Variants in MSRA observed in about 807,000 individuals in gnomAD.
The protein encoded by MSRA is mitochondrial peptide methionine sulfoxide reductase.
Under a neutral mutation model 31.3 loss-of-function variants are expected in MSRA, and 54 were observed. The ratio of observed to expected loss-of-function variants is 1.73; its 90% CI spans 1.39 to 2.17. The LOEUF is 2.17. Ranked by LOEUF, MSRA falls within the 30% of genes most tolerant of loss-of-function variation. The probability of loss-of-function intolerance (pLI) is 0.00; values close to 1 mark genes in which losing one functional copy is unlikely to be tolerated. For synonymous variants in MSRA, 169 were observed against 116.5 expected (o/e 1.45, Z -2.90); for missense variants, 507 against 300.9 (o/e 1.69, Z -5.07).
chr8:10,393,409 G>C (rs1806887240), intron 5 of MSRA, among the ~76,000 whole-genome samples: 1 of 152,132 alleles, frequency 6.6e-6, no homozygotes, highest in African/African-American at 2.4e-5. Context: ...TTTACTTTTA[G>C]GGAAAACGGG....
intron 1 of MSRA, among the ~76,000 whole-genome samples, chr8:10,199,930 A>T (rs1393343175): frequency 6.6e-6 from 1 of 152,076 alleles, no homozygotes; most frequent in African/African-American, 2.4e-5. Flanking sequence ...AGTGAACATG[A>T]GCCAAAGGAC....
At chr8:10,212,519 C>G in intron 2 of MSRA, among the ~76,000 whole-genome samples, 1 of 152,264 alleles carries the variant, frequency 6.6e-6, no homozygotes, top group Admixed American at 6.5e-5. Flanking sequence ...CTAGTAGTTA[C>G]GCTAACTTTG....
At chr8:10,277,113 G>A (rs1799360049) in intron 3 of MSRA, among the ~76,000 whole-genome samples, 1 of 152,142 alleles carries the variant, frequency 6.6e-6, no homozygotes, top group Non-Finnish European at 1.5e-5. Context: ...ATAGTGGAAG[G>A]AATTAGGACG....
At position 10,410,640 on chromosome 8, in the gene MSRA, CAGG is replaced by C. The variant is rs571202720; in HGVS notation, c.544-17505_544-17503del. Among the ~76,000 whole-genome samples, 14 of 152,260 alleles carry C rather than the reference CAGG, an allele frequency of 9.2e-5. No individual in the cohort carries two copies. In the East Asian group the frequency reaches 2.7e-3, roughly 29 times the overall value. On this transcript the variant is annotated intron_variant, in intron 5 of 5. Transcript: ENST00000317173. ...TGAAGGTCATGCTGTTTGGCAGAAC[CAGG>C]AGAAGAGCCCAGGCCCCTCTTGTCC...
At chr8:10,312,539 A>T (rs867639809) in intron 4 of MSRA, among the ~76,000 whole-genome samples, 2 of 152,230 alleles carry the variant, frequency 1.3e-5, no homozygotes, top group East Asian at 1.9e-4. Context: ...TTAGAGAGAG[A>T]TGCAGTCCAT....
intron 5 of MSRA, among the ~76,000 whole-genome samples, chr8:10,327,943 C>CAA (rs1389304305): frequency 6.7e-6 from 1 of 149,006 alleles, no homozygotes; most frequent in African/African-American, 2.5e-5. Flanking sequence ...ACAACAACAA[C>CAA]AACAAAAAAA....
chr8:10,203,122 A>G (rs1009717650), intron 1 of MSRA, among the ~76,000 whole-genome samples: 17 of 152,126 alleles, frequency 1.1e-4, no homozygotes, highest in African/African-American at 4.1e-4. Flanking sequence ...ATTAAAGACA[A>G]GACAAAGCCG....
intron 1 of MSRA, among the ~76,000 whole-genome samples, chr8:10,116,356 G>C (rs1800676801): frequency 6.6e-6 from 1 of 152,182 alleles, no homozygotes; most frequent in African/African-American, 2.4e-5. Flanking sequence ...CCAAAGATTG[G>C]ACACCCCCTG....
intron 2 of MSRA, among the ~76,000 whole-genome samples, chr8:10,218,347 T>G (rs1288820090): frequency 6.6e-6 from 1 of 152,000 alleles, no homozygotes; most frequent in Non-Finnish European, 1.5e-5. Flanking sequence ...GGTTTCACCA[T>G]GTTGCCAGGC....
intron 3 of MSRA, among the ~76,000 whole-genome samples, chr8:10,296,680 A>G (rs1800560608): frequency 6.6e-6 from 1 of 152,212 alleles, no homozygotes; most frequent in Non-Finnish European, 1.5e-5. Flanking sequence ...TTGCAGGTGA[A>G]GAAACTGTGC....
intron 1 of MSRA, among the ~76,000 whole-genome samples, chr8:10,165,247 T>C (rs767925972): frequency 2.0e-5 from 3 of 152,222 alleles, no homozygotes; most frequent in African/African-American, 7.2e-5. Context: ...CATTACAATA[T>C]AATGCCTTTG....
chr8:10,211,441 G>C (rs1809486727), intron 2 of MSRA, among the ~76,000 whole-genome samples: 1 of 152,124 alleles, frequency 6.6e-6, no homozygotes, highest in African/African-American at 2.4e-5. Flanking sequence ...GAAGGTAATA[G>C]GCTTGGTCCT....
chr8:10,344,199 C>G (rs778075751), intron 5 of MSRA, among the ~76,000 whole-genome samples: 6 of 152,112 alleles, frequency 3.9e-5, no homozygotes, highest in Non-Finnish European at 8.8e-5. Context: ...GCAGTGTGAT[C>G]GAGGCAAGTG....
intron 1 of MSRA, among the ~76,000 whole-genome samples, chr8:10,123,454 C>A (rs955213925): frequency 6.6e-6 from 1 of 151,992 alleles, no homozygotes; most frequent in Admixed American, 6.6e-5. Context: ...AAATTTTCTC[C>A]CATTCTGTAG....
chr8:10,361,300 T>C (rs1563393784), intron 5 of MSRA, among the ~76,000 whole-genome samples: 1 of 152,218 alleles, frequency 6.6e-6, no homozygotes, highest in Non-Finnish European at 1.5e-5. Context: ...ATATTAATAA[T>C]GCCTACATCT....
intron 3 of MSRA, among the ~76,000 whole-genome samples, chr8:10,274,150 G>T (rs1799195727): frequency 6.6e-6 from 1 of 152,160 alleles, no homozygotes; most frequent in African/African-American, 2.4e-5. Context: ...GAGAAAGAAG[G>T]GTAGGTTTGG....
intron 3 of MSRA, among the ~76,000 whole-genome samples, chr8:10,294,543 C>T (rs756827799): frequency 6.6e-6 from 1 of 152,138 alleles, no homozygotes; most frequent in Non-Finnish European, 1.5e-5. Context: ...AACTCGGGCA[C>T]TCTGGCTCCC....
At chr8:10,379,663 A>G (rs1242563565) in intron 5 of MSRA, among the ~76,000 whole-genome samples, 1 of 152,172 alleles carries the variant, frequency 6.6e-6, no homozygotes, top group Non-Finnish European at 1.5e-5. Context: ...TTGTTTTGAC[A>G]AGACCTATAA....
rs148267224 is a variant in MSRA, at chr8:10,285,665, G to A, written c.332-15869G>A. On this transcript the variant is annotated intron_variant, in intron 3 of 5. Coordinates refer to ENST00000317173, the MANE Select transcript of MSRA (RefSeq NM_012331.5). ...ATCCCCTTCCCCCCACTCCTTCCCC[G>A]CCTCTGGTAACCACTCTACTCTCTA... is the stretch of plus-strand genomic sequence containing the variant. Among the ~76,000 whole-genome samples the A allele has an allele frequency of 1.1e-3, 161 of 144,952 alleles. No homozygotes were observed. The East Asian group carries it at 0.011, about 10-fold the overall frequency.
Sources: allele counts gnomAD v4.1 joint callset (sites outside exome capture counted in the v4.1 genomes callset), GRCh38; gene constraint gnomAD v4.1.1; transcripts MANE v1.5; gene names NCBI Gene and HGNC (gene_info 2026-07-23, HGNC 2026-07-21).